Variants in GALNT14 observed in about 807,000 individuals in gnomAD.
GALNT14 encodes UDP-GalNAc:polypeptide N-acetylgalactosaminyltransferase 14.
GALNT14 carries 60 observed loss-of-function variants against 77.5 expected under a neutral mutation model. The observed-to-expected ratio is 0.77, with a 90% CI of 0.63 to 0.96. GALNT14 has a LOEUF of 0.96. GALNT14 is among the 40% of genes least tolerant of loss of function. The pLI is 0.00. For synonymous variants in GALNT14, 280 were observed against 281.7 expected, an observed-to-expected ratio of 0.99 and a Z score of 0.06; for missense variants, 710 against 731.0, an observed-to-expected ratio of 0.97 and a Z score of 0.33.
rs1558514656 is a variant in GALNT14 at position 31,038,086 on chromosome 2, T to TATATATATA, written c.130-45080_130-45079insTATATATAT. ...TTGCCATATATATATATATATATAT[T>TATATATATA]TTTTTTTTTTTTTTTTTTTTTTTTT... On this transcript the variant is annotated intron_variant, in intron 1 of 14. Coordinates refer to ENST00000349752, the MANE Select transcript of GALNT14 (RefSeq NM_024572.4). 8.7e-3 allele frequency among the ~76,000 whole-genome samples: 310 copies of TATATATATA among 35,646 alleles called. 6 individuals carry two copies. Among genetic ancestry groups the TATATATATA allele is most frequent in the African/African-American group, 0.012 (66 of 5,704 alleles). 23.4% of individuals were successfully genotyped at this position (35,646 alleles called of 152,430 possible). A position where few individuals can be genotyped will look rare whatever the true frequency, so the allele number is the denominator to read the frequency against.
chr2:31,078,252 T>C (rs1284840977), intron 1 of GALNT14, among the ~76,000 whole-genome samples: 2 of 152,090 alleles, frequency 1.3e-5, no homozygotes, highest in Non-Finnish European at 2.9e-5. Flanking sequence ...TCAGGCTCAT[T>C]AGGAGGAGAA....
chr2:31,071,528 C>A (rs774354706), intron 1 of GALNT14, among the ~76,000 whole-genome samples: 7 of 152,196 alleles, frequency 4.6e-5, no homozygotes, highest in Non-Finnish European at 7.3e-5. Flanking sequence ...CCTAGACAGA[C>A]AGGCAGGGCT....
intron 1 of GALNT14, among the ~76,000 whole-genome samples, chr2:31,007,562 A>C (rs1038784944): frequency 6.6e-6 from 1 of 152,200 alleles, no homozygotes; most frequent in African/African-American, 2.4e-5. Context: ...TGTCTCCCAC[A>C]TGAATCCAAC....
intron 1 of GALNT14, among the ~76,000 whole-genome samples, chr2:31,101,056 T>C (rs970061468): frequency 7.9e-5 from 12 of 152,048 alleles, no homozygotes; most frequent in African/African-American, 2.9e-4. Context: ...AATCAAAAGA[T>C]TGTATCAAAG....
intron 1 of GALNT14, among the ~76,000 whole-genome samples, chr2:31,124,487 G>A (rs1026242215): frequency 1.3e-5 from 2 of 152,064 alleles, no homozygotes; most frequent in African/African-American, 4.8e-5. Context: ...TTGTTGTGTT[G>A]GGCAAGATAT....
intron 1 of GALNT14, among the ~76,000 whole-genome samples, chr2:31,070,570 C>G (rs1363422253): frequency 6.6e-6 from 1 of 152,230 alleles, no homozygotes; most frequent in Non-Finnish European, 1.5e-5. Flanking sequence ...AATTTATCGG[C>G]GTGCCCAAGG....
At chr2:31,052,821 A>C (rs916479460) in intron 1 of GALNT14, among the ~76,000 whole-genome samples, 3 of 152,194 alleles carry the variant, frequency 2.0e-5, no homozygotes, top group Non-Finnish European at 4.4e-5. Flanking sequence ...ACTACAAAAC[A>C]TCTCATGCAT....
intron 1 of GALNT14, among the ~76,000 whole-genome samples, chr2:31,064,733 A>G (rs1028948203): frequency 6.6e-6 from 1 of 151,892 alleles, no homozygotes; most frequent in African/African-American, 2.4e-5. Flanking sequence ...CCATCCAAAC[A>G]CCACTACCTG....
At position 31,041,893 on chromosome 2, in the gene GALNT14, G is replaced by C. The variant is rs543765974; in HGVS notation, c.130-48886C>G. Among the ~76,000 whole-genome samples the C allele has an allele frequency of 2.6e-5, 4 of 152,228 alleles. 1 individual carries two copies. The South Asian group carries it at 8.3e-4, about 32-fold the overall frequency. On this transcript the variant is annotated intron_variant, in intron 1 of 14. Coordinates refer to ENST00000349752, the MANE Select transcript of GALNT14 (RefSeq NM_024572.4). Reference sequence around the variant, plus strand: ...AGATGTGAAGCAGAGCCATGCTGAGGGGACAATGAAGAGGGGAGATATCAA... The same window carrying C: ...AGATGTGAAGCAGAGCCATGCTGAGCGGACAATGAAGAGGGGAGATATCAA...
chr2:30,930,447 T>A (rs761908663), intron 10 of GALNT14, among the ~76,000 whole-genome samples: 1 of 152,240 alleles, frequency 6.6e-6, no homozygotes, highest in Non-Finnish European at 1.5e-5. Flanking sequence ...AATCAGGTTA[T>A]CTGCCCTGAC....
intron 2 of GALNT14, 136 bp downstream of exon 2, chr2:30,992,702 C>T: frequency 9.9e-7 from 1 of 1,010,704 alleles, no homozygotes; most frequent in South Asian, 1.6e-5. Context: ...AATCCGAATC[C>T]CTTTAGTGTT....
At chr2:30,903,365 G>A in the GALNT14 span, among the ~76,000 whole-genome samples, 1 of 152,186 alleles carries the variant, frequency 6.6e-6, no homozygotes, top group African/African-American at 2.4e-5. Flanking sequence ...TACACCTGAT[G>A]CCTTGCTTCT....
chr2:30,913,111 C>T (rs1312121748), intron 13 of GALNT14, among the ~76,000 whole-genome samples: 1 of 152,084 alleles, frequency 6.6e-6, no homozygotes, highest in Admixed American at 6.5e-5. Flanking sequence ...TCCAAAGTAC[C>T]AGAGATCACA....
At chr2:31,078,833 A>G in intron 1 of GALNT14, 3 of 1,020,536 alleles carry the variant, frequency 2.9e-6, no homozygotes, top group Non-Finnish European at 4.0e-6. Context: ...GGCGAGATAT[A>G]GGCCTGGGAG....
intron 1 of GALNT14, among the ~76,000 whole-genome samples, chr2:31,042,028 T>C (rs1673122926): frequency 6.6e-6 from 1 of 152,192 alleles, no homozygotes; most frequent in South Asian, 2.1e-4. Context: ...AAGGTCCCAG[T>C]GGACCACTCT....
intron 8 of GALNT14, among the ~76,000 whole-genome samples, chr2:30,943,929 A>G (rs10179187): frequency 0.32 from 48,590 of 151,966 alleles, 7,865 homozygotes; most frequent in Non-Finnish European, 0.34. Context: ...TAGTCCCTTT[A>G]TCCTCAATTT....
downstream of GALNT14, among the ~76,000 whole-genome samples, chr2:30,908,195 T>G (rs1236404748): frequency 6.7e-6 from 1 of 150,168 alleles, no homozygotes; most frequent in African/African-American, 2.5e-5. Flanking sequence ...AACATAGTGT[T>G]GGAAGTTCTG....
chr2:31,042,299 G>A (rs960165202), intron 1 of GALNT14, among the ~76,000 whole-genome samples: 2 of 152,152 alleles, frequency 1.3e-5, no homozygotes, highest in Middle Eastern at 3.2e-3. Context: ...CATCTATTGT[G>A]TTAAGTAAAG....
At chr2:31,121,146 C>T (rs1025693486) in intron 1 of GALNT14, among the ~76,000 whole-genome samples, 1 of 152,194 alleles carries the variant, frequency 6.6e-6, no homozygotes, top group African/African-American at 2.4e-5. Flanking sequence ...CTCGGGAGCC[C>T]AGCATGCCTG....
Sources: gnomAD v4.1 joint callset for allele counts (sites outside exome capture counted in the v4.1 genomes callset) on GRCh38, gnomAD v4.1.1 for gene constraint, MANE v1.5 for transcripts, NCBI Gene and HGNC (gene_info 2026-07-23, HGNC 2026-07-21) for gene names.